ANK3: variants seen among roughly 807,000 people sequenced by gnomAD.
The protein encoded by ANK3 is ankyrin-3.
A neutral mutation model predicts 370.9 loss-of-function variants in ANK3; 57 were observed. The observed-to-expected ratio is 0.15, with a 90% CI of 0.12 to 0.19. The LOEUF (loss-of-function observed/expected upper bound fraction) is 0.19, where lower values mean the gene tolerates loss of function less well. Ranked by LOEUF, ANK3 falls within the 10% of genes least tolerant of loss-of-function variation. The probability of loss-of-function intolerance (pLI) is 1.00; values close to 1 mark genes in which losing one functional copy is unlikely to be tolerated. For missense variants in ANK3, 4,439 were observed against 5,302.1 expected (o/e 0.84, Z 5.06); for synonymous variants, 1,929 against 1,946.3 (o/e 0.99, Z 0.23).
At chr10:60,585,709 A>G (rs2077821142) in intron 2 of ANK3, among the ~76,000 whole-genome samples, 1 of 152,168 alleles carries the variant, frequency 6.6e-6, no homozygotes, top group Non-Finnish European at 1.5e-5. Flanking sequence ...AATATAGATT[A>G]GACATGTACC....
At chr10:60,480,197 A>G (rs531322275) in intron 2 of ANK3, among the ~76,000 whole-genome samples, 2 of 152,292 alleles carry the variant, frequency 1.3e-5, no homozygotes, top group South Asian at 2.1e-4. Flanking sequence ...AGAAGAGTCA[A>G]TTTGGGGTGA....
chr10:60,106,159 G>A, intron 27 of ANK3, 100 bp from the exon 28 acceptor site: 1 of 1,077,202 alleles, frequency 9.3e-7, no homozygotes, highest in Admixed American at 3.2e-5. Context: ...GAAAATCAGA[G>A]GTGCCACTAA....
chr10:60,695,702 A>G (rs1190235344), intron 1 of ANK3, among the ~76,000 whole-genome samples: 2 of 152,216 alleles, frequency 1.3e-5, no homozygotes, highest in African/African-American at 4.8e-5. Flanking sequence ...TTTGAAACCA[A>G]TGAGAACAAA....
At chr10:60,039,570 T>G (rs909389197) in intron 43 of ANK3, among the ~76,000 whole-genome samples, 41 of 152,230 alleles carry the variant, frequency 2.7e-4, no homozygotes, top group African/African-American at 9.9e-4. Flanking sequence ...GGGTCTTTAA[T>G]GATCAAATAC....
intron 1 of ANK3, among the ~76,000 whole-genome samples, chr10:60,699,072 A>T (rs1158965661): frequency 6.6e-6 from 1 of 151,412 alleles, no homozygotes; most frequent in Non-Finnish European, 1.5e-5. Context: ...TGTGGGAGGT[A>T]AGCAATGAGG....
chr10:60,733,492 T>A, upstream of ANK3: 1 of 520,128 alleles, frequency 1.9e-6, no homozygotes, highest in Non-Finnish European at 2.9e-6. Flanking sequence ...TCCTGCTGTG[T>A]CCGCTGCGAC....
chr10:60,537,897 G>T (rs1421026616), intron 2 of ANK3, among the ~76,000 whole-genome samples: 2 of 151,784 alleles, frequency 1.3e-5, no homozygotes, highest in African/African-American at 4.8e-5. Context: ...TTTCATTTGT[G>T]TACAATGACT....
chr10:60,166,967 T>C, intron 21 of ANK3, 71 bp from the exon 22 acceptor site: 2 of 1,252,942 alleles, frequency 1.6e-6, no homozygotes, highest in Non-Finnish European at 2.3e-6. Flanking sequence ...CATTTATCTC[T>C]GAATTAATCA....
chr10:60,487,733 A>C, intron 2 of ANK3, among the ~76,000 whole-genome samples: 1 of 69,560 alleles, frequency 1.4e-5, no homozygotes, highest in Non-Finnish European at 3.5e-5. Context: ...TTTTTTTTTG[A>C]GACAGAGTCT....
At chr10:60,144,398 T>A (rs2094712347) in intron 23 of ANK3, among the ~76,000 whole-genome samples, 1 of 152,218 alleles carries the variant, frequency 6.6e-6, no homozygotes, top group African/African-American at 2.4e-5. Flanking sequence ...CACTTAGTAT[T>A]GACTTGATGC....
intron 1 of ANK3, among the ~76,000 whole-genome samples, chr10:60,345,617 AAAG>A (rs1163117241): frequency 6.6e-6 from 1 of 152,162 alleles, no homozygotes; most frequent in African/African-American, 2.4e-5. Flanking sequence ...TTTAGAAAGT[AAAG>A]AAGATAAGAC....
rs113348963 is a variant in ANK3, at chr10:60,729,840, CT to C, written c.57+3422del. On this transcript the variant is annotated intron_variant, in intron 1 of 43. Coordinates refer to the ANK3 transcript ENST00000373827. ...ACTTGGTAATTAATCCATATAAGAC[CT>C]TCCTAAGAGAGAAAATTCAGGAGTA... Among the ~76,000 whole-genome samples, 594 of 152,256 alleles carry C rather than the reference CT, an allele frequency of 3.9e-3. 5 individuals are homozygous for C. The highest frequency in any genetic ancestry group is 0.014 in the African/African-American group (577 of 41,550).
chr10:60,086,564 C>T (rs1183720337), intron 30 of ANK3, 113 bp downstream of exon 30: 2 of 877,494 alleles, frequency 2.3e-6, no homozygotes, highest in Non-Finnish European at 1.7e-6. Context: ...CTTTTATTTT[C>T]TCTTATAATG....
chr10:60,390,141 A>G (rs994247449), upstream of ANK3, among the ~76,000 whole-genome samples: 1 of 152,202 alleles, frequency 6.6e-6, no homozygotes, highest in South Asian at 2.1e-4. Context: ...CAAAAAACAC[A>G]CTAAATTTTG....
intron 2 of ANK3, among the ~76,000 whole-genome samples, chr10:60,526,697 A>G (rs1334353553): frequency 2.0e-5 from 3 of 152,190 alleles, no homozygotes; most frequent in African/African-American, 7.2e-5. Context: ...AATTATGTCA[A>G]TGCAGTGGAA....
At chr10:60,159,730 C>T (rs892339754) in intron 23 of ANK3, among the ~76,000 whole-genome samples, 2 of 151,858 alleles carry the variant, frequency 1.3e-5, no homozygotes, top group African/African-American at 4.8e-5. Context: ...TTTCTGACCA[C>T]GATGGAATAA....
At chr10:60,338,001 C>T (rs1457295251) in intron 1 of ANK3, among the ~76,000 whole-genome samples, 2 of 152,082 alleles carry the variant, frequency 1.3e-5, no homozygotes, top group African/African-American at 4.8e-5. Flanking sequence ...TTTACAAATG[C>T]TTGAATTGCT....
intron 1 of ANK3, among the ~76,000 whole-genome samples, chr10:60,639,057 CACACAAAGAT>C (rs1222883217): frequency 6.6e-6 from 1 of 151,522 alleles, no homozygotes; most frequent in African/African-American, 2.4e-5. Flanking sequence ...TAAAGAAAAC[CACACAAAGAT>C]ACATCATAAT....
At chr10:60,286,274 G>T (rs2098244119) in intron 1 of ANK3, among the ~76,000 whole-genome samples, 1 of 151,876 alleles carries the variant, frequency 6.6e-6, no homozygotes. Context: ...CCCTCTGTAG[G>T]CTAAATATTA....
Sources: gnomAD v4.1 joint callset for allele counts (sites outside exome capture counted in the v4.1 genomes callset) on GRCh38, gnomAD v4.1.1 for gene constraint, MANE v1.5 for transcripts, NCBI Gene and HGNC (gene_info 2026-07-23, HGNC 2026-07-21) for gene names.